Variants in CD302 observed in about 807,000 individuals in gnomAD.
CD302 encodes CD302 antigen.
Under a neutral mutation model 26.5 loss-of-function variants are expected in CD302, and 23 were observed. That is an observed-to-expected ratio of 0.87 (90% CI 0.62 to 1.23). The LOEUF (loss-of-function observed/expected upper bound fraction) is 1.23. Ranked by LOEUF, CD302 falls within the 50% of genes most tolerant of loss-of-function variation. The pLI is 0.00. For synonymous variants in CD302, 90 were observed against 99.4 expected (o/e 0.91, Z 0.56); for missense variants, 290 against 275.5 (o/e 1.05, Z -0.37).
intron 5 of CD302, among the ~76,000 whole-genome samples, chr2:159,777,427 A>AT (rs1560042682): frequency 6.6e-6 from 1 of 152,212 alleles, no homozygotes; most frequent in Non-Finnish European, 1.5e-5. Flanking sequence ...TAGTAACATG[A>AT]TTCAAGCATT....
chr2:159,783,253 A>G, intron 2 of CD302, 106 bp downstream of exon 2: 1 of 854,846 alleles, frequency 1.2e-6, no homozygotes. Flanking sequence ...ATTAAATCTC[A>G]GGACCCAGTT....
At position 159,771,627 on chromosome 2, in the gene CD302, CG is replaced by C. The variant is rs1165988388; in HGVS notation, c.*223del. On this transcript the variant is annotated 3_prime_UTR_variant, in exon 6 of 6. Coordinates refer to ENST00000259053, the MANE Select transcript of CD302 (RefSeq NM_014880.5). ...TTCAAGTGACAGATTCTGCCTTTGA[CG>C]GGATGCTTAAAATCACTATATTAGA... 2.0e-5 allele frequency: 9 copies of C among 448,592 alleles called. No individual in the cohort carries two copies. The highest frequency in any genetic ancestry group is 4.1e-5 in the African/African-American group (2 of 49,316). 27.8% of individuals were successfully genotyped at this position (448,592 alleles called of 1,614,324 possible). A position where few individuals can be genotyped will look rare whatever the true frequency, so the allele number is the denominator to read the frequency against.
intron 1 of CD302, among the ~76,000 whole-genome samples, chr2:159,786,302 C>A (rs1458272456): frequency 6.6e-6 from 1 of 151,440 alleles, no homozygotes; most frequent in African/African-American, 2.4e-5. Flanking sequence ...GTGGGTTCAA[C>A]CTTTCCTTCT....
At chr2:159,779,966 C>A in intron 4 of CD302, 39 bp downstream of exon 4, 1 of 1,582,828 alleles carries the variant, frequency 6.3e-7, no homozygotes, top group Non-Finnish European at 8.6e-7. Flanking sequence ...ACTTTCTCTG[C>A]CCCTTCTAGA....
intron 5 of CD302, among the ~76,000 whole-genome samples, chr2:159,777,553 G>A (rs1033967587): frequency 6.6e-6 from 1 of 152,206 alleles, no homozygotes; most frequent in African/African-American, 2.4e-5. Flanking sequence ...TCCAAAAGAA[G>A]ATGTGGGAGA....
intron 1 of CD302, among the ~76,000 whole-genome samples, chr2:159,787,397 T>C (rs1708695212): frequency 6.6e-6 from 1 of 152,190 alleles, no homozygotes; most frequent in South Asian, 2.1e-4. Context: ...TTTATGTTCC[T>C]TTTTTCTCAT....
chr2:159,793,327 T>C (rs1386280105), intron 1 of CD302, among the ~76,000 whole-genome samples: 1 of 152,158 alleles, frequency 6.6e-6, no homozygotes, highest in Non-Finnish European at 1.5e-5. Context: ...AATTATCATG[T>C]GCTAAAAGAA....
At position 159,794,838 on chromosome 2, in the gene CD302, A is replaced by G. The variant is rs1006026286; in HGVS notation, c.67+3294T>C. ...GCTGGGATTACAGGCGTGAGCCACC[A>G]CGCCCAGCTCAAAATTTATTTTAAA... On this transcript the variant is annotated intron_variant, in intron 1 of 5. Transcript: ENST00000259053. Among the ~76,000 whole-genome samples, 14 of 150,294 alleles carry G rather than the reference A, an allele frequency of 9.3e-5. 1 individual carries two copies. In the Middle Eastern group the frequency reaches 0.01, roughly 110 times the overall value.
chr2:159,797,614 T>C (rs1226224867), intron 1 of CD302, among the ~76,000 whole-genome samples: 2 of 152,194 alleles, frequency 1.3e-5, no homozygotes, highest in East Asian at 3.8e-4. Flanking sequence ...CTGAACTGTT[T>C]TCCTGTTTAA....
In CD302 at chr2:159,780,903, C is replaced by T; in HGVS notation, c.274G>A (p.Gly92Ser). ...TTACCATCTGTGTCATAAAACATGC[C>T]TAGTAGGATATCATCTGGGCCTTTC... Reference protein sequence around the residue: ...QWKGPDDILLGMFYDTDDASF... With the variant: ...QWKGPDDILLSMFYDTDDASF... Residue 92 changes from glycine (G) to serine (S), a missense_variant, in exon 3 of 6, where the codon GGC becomes AGC. Physicochemically the swap from Gly to Ser is moderately conservative, Grantham distance 56. Coordinates refer to ENST00000259053, the MANE Select transcript of CD302 (RefSeq NM_014880.5). 1 of 1,613,104 alleles carries T rather than the reference C, an allele frequency of 6.2e-7. No individual in the cohort carries two copies. Among genetic ancestry groups the T allele is most frequent in the Non-Finnish European group, 8.5e-7 (1 of 1,179,822 alleles).
intron 1 of CD302, among the ~76,000 whole-genome samples, chr2:159,792,962 G>A (rs938504735): frequency 6.6e-6 from 1 of 152,158 alleles, no homozygotes; most frequent in Non-Finnish European, 1.5e-5. Flanking sequence ...TTTTTACTTT[G>A]AGAAGAACAG....
At chr2:159,772,203 T>C (rs1238476490) in intron 5 of CD302, 150 bp from the exon 6 acceptor site, 1 of 811,604 alleles carries the variant, frequency 1.2e-6, no homozygotes, top group African/African-American at 1.7e-5. Flanking sequence ...TTCGCATTTG[T>C]TACTAACAAG....
At chr2:159,778,555 A>G (rs1374134202) in intron 4 of CD302, among the ~76,000 whole-genome samples, 1 of 152,216 alleles carries the variant, frequency 6.6e-6, no homozygotes, top group Non-Finnish European at 1.5e-5. Flanking sequence ...ACATACTTCC[A>G]TATGTAAAGA....
chr2:159,774,309 C>T (rs1376583760), intron 5 of CD302, among the ~76,000 whole-genome samples: 1 of 152,156 alleles, frequency 6.6e-6, no homozygotes, highest in East Asian at 1.9e-4. Context: ...TAGCCACTGT[C>T]CAGTCAACCA....
chr2:159,776,012 C>CTTTTTTTTTTTCT (rs1708310765), intron 5 of CD302, among the ~76,000 whole-genome samples: 1 of 81,252 alleles, frequency 1.2e-5, no homozygotes, highest in African/African-American at 4.3e-5. Flanking sequence ...CGGGTTTCAA[C>CTTTTTTTTTTTCT]TTTTTTTTTT....
chr2:159,781,858 T>A (rs1370190045), intron 2 of CD302, among the ~76,000 whole-genome samples: 1 of 146,626 alleles, frequency 6.8e-6, no homozygotes, highest in East Asian at 2.0e-4. Context: ...TTAATAACTT[T>A]GGTGTTTACA....
chr2:159,779,885 G>A (rs1231369681), intron 4 of CD302, 120 bp downstream of exon 4: 19 of 1,194,508 alleles, frequency 1.6e-5, no homozygotes, highest in Non-Finnish European at 2.2e-5. Context: ...TTGCAGGCGT[G>A]AGCCACTGTG....
At chr2:159,787,188 G>GC (rs1233964697) in intron 1 of CD302, among the ~76,000 whole-genome samples, 1 of 152,082 alleles carries the variant, frequency 6.6e-6, no homozygotes, top group Non-Finnish European at 1.5e-5. Flanking sequence ...GTATGCATGT[G>GC]CCCAGCTTTC....
Position 159,780,048 on chromosome 2 carries a change from A to G in CD302, c.426T>C (p.Asn142=). The G allele has an allele frequency of 3.1e-6, 5 of 1,614,100 alleles. No individual in the cohort carries two copies. Among genetic ancestry groups the G allele is most frequent in the Non-Finnish European group, 3.4e-6 (4 of 1,179,986 alleles). ...TTCCTTCCACAGAAGAAACTTCACA[A>G]TTTCCTTTTTTCCATTCACCTGTCT... The part of the protein sequence containing the change: ...HIKTGEWKKG[N]CEVSSVEGTL... Residue 142 remains asparagine (N), a synonymous_variant, in exon 4 of 6, where the codon AAT becomes AAC. Transcript: ENST00000259053.
Sources: gnomAD v4.1 joint callset for allele counts (sites outside exome capture counted in the v4.1 genomes callset) on GRCh38, gnomAD v4.1.1 for gene constraint, MANE v1.5 for transcripts, NCBI Gene and HGNC (gene_info 2026-07-23, HGNC 2026-07-21) for gene names.